Variants in ADGRA3 observed in about 807,000 individuals in gnomAD.
ADGRA3 encodes the protein G-protein coupled receptor 125.
ADGRA3 carries 56 observed loss-of-function variants against 119.8 expected under a neutral mutation model. The ratio of observed to expected loss-of-function variants is 0.47; its 90% confidence interval spans 0.38 to 0.58. The LOEUF (loss-of-function observed/expected upper bound fraction) is 0.58. Ranked by LOEUF, ADGRA3 falls within the 20% of genes least tolerant of loss-of-function variation. ADGRA3 has a pLI of 0.00. For missense variants in ADGRA3, 1,516 were observed against 1,649.0 expected (o/e 0.92, Z 1.40); for synonymous variants, 607 against 623.8 (o/e 0.97, Z 0.40).
chr4:22,461,774 G>T lies in ADGRA3; in HGVS notation c.364C>A (p.Pro122Thr). The T allele has an allele frequency of 6.2e-7, 1 of 1,607,728 alleles. No individual in the cohort carries two copies. The highest frequency in any genetic ancestry group is 8.5e-7 in the Non-Finnish European group (1 of 1,176,084). Residue 122 changes from proline (P) to threonine (T), a missense_variant, in exon 3 of 19, where the codon CCA becomes ACA. By Grantham distance (38) the Pro-to-Thr change is conservative. Coordinates refer to ENST00000334304, the MANE Select transcript of ADGRA3 (RefSeq NM_145290.4). ...GATGACAGTCCCCAGAAGGCACCTG[G>T]ATCTATACTACTAATAAGATTGTTT... ...LRNNLISSIDPGAFWGLSSLK... is the reference protein window; with the variant it reads ...LRNNLISSIDTGAFWGLSSLK...
intron 1 of ADGRA3, among the ~76,000 whole-genome samples, chr4:22,475,813 A>C (rs1051463667): frequency 1.3e-5 from 2 of 152,140 alleles, no homozygotes; most frequent in African/African-American, 4.8e-5. Flanking sequence ...ATAAGACTAC[A>C]CACTGGGTGC....
chr4:22,465,320 T>C (rs1433347481), intron 2 of ADGRA3, among the ~76,000 whole-genome samples: 1 of 152,160 alleles, frequency 6.6e-6, no homozygotes, highest in Non-Finnish European at 1.5e-5. Flanking sequence ...TGACCAACCT[T>C]GTGCAGATTT....
rs772085550 is a variant in ADGRA3, at chr4:22,388,589, T to C, written c.3082A>G (p.Ser1028Gly). ...AAACTTGTGGCTCCAAAAACGAAGC[T>C]AAAAACCAAGTCCAAAGGGTAATAC... is the stretch of plus-strand genomic sequence containing the variant. ...SLYYPLDLVF[S>G]FVFGATSLSF... The change falls in exon 19 of 19, where the codon AGC becomes GGC. Residue 1028 changes from serine (S) to glycine (G), a missense_variant. By Grantham distance (56) the Ser-to-Gly change is moderately conservative (BLOSUM62 0). Transcript: ENST00000334304. 1.1e-5 allele frequency: 18 copies of C among 1,613,890 alleles called. No homozygotes were observed. Among genetic ancestry groups the C allele is most frequent in the Non-Finnish European group, 1.5e-5 (18 of 1,180,008 alleles).
chr4:22,437,529 T>A (rs1447685208), intron 8 of ADGRA3, among the ~76,000 whole-genome samples: 3 of 152,138 alleles, frequency 2.0e-5, no homozygotes, highest in Non-Finnish European at 4.4e-5. Flanking sequence ...ATTTTTTAAA[T>A]CCCTGAACAT....
At chr4:22,511,778 A>C (rs940897248) in intron 1 of ADGRA3, among the ~76,000 whole-genome samples, 1 of 151,970 alleles carries the variant, frequency 6.6e-6, no homozygotes, top group Non-Finnish European at 1.5e-5. Context: ...GCACAGCAGC[A>C]TAACCAGATA....
At chr4:22,515,139 C>T (rs1403549937) in intron 1 of ADGRA3, among the ~76,000 whole-genome samples, 1 of 152,246 alleles carries the variant, frequency 6.6e-6, no homozygotes, top group Non-Finnish European at 1.5e-5. Flanking sequence ...AGCAGAAGGA[C>T]TGGCGCTTGC....
At chr4:22,409,845 A>G (rs1038509487) in intron 14 of ADGRA3, among the ~76,000 whole-genome samples, 1 of 152,228 alleles carries the variant, frequency 6.6e-6, no homozygotes, top group Non-Finnish European at 1.5e-5. Context: ...GGGTCTCCTC[A>G]ACAATACGCG....
intron 1 of ADGRA3, among the ~76,000 whole-genome samples, chr4:22,474,984 A>C (rs1270031285): frequency 6.6e-6 from 1 of 152,226 alleles, no homozygotes. Context: ...TTGTCTAAAA[A>C]CAACTTGGAT....
rs765597816 is a variant in ADGRA3 at position 22,387,687 on chromosome 4, C to T, written c.*18G>A. 3 of 1,574,490 alleles carry T rather than the reference C, an allele frequency of 1.9e-6. No individual in the cohort carries two copies. The South Asian group carries it at 3.5e-5, about 18-fold the overall frequency. Reference sequence around the variant, plus strand: ...TATCACAGTTTATATGAATTTCTGCCTAGGAAGCCCAGCAATGTTACACAG... The same window carrying T: ...TATCACAGTTTATATGAATTTCTGCTTAGGAAGCCCAGCAATGTTACACAG... On this transcript the variant is annotated 3_prime_UTR_variant, in exon 19 of 19. Transcript: ENST00000334304.
intron 1 of ADGRA3, among the ~76,000 whole-genome samples, chr4:22,477,070 T>A (rs898830910): frequency 1.3e-5 from 2 of 152,178 alleles, no homozygotes; most frequent in African/African-American, 4.8e-5. Flanking sequence ...AATATAAGAA[T>A]CTTAATTGCT....
rs1033483322 is a variant in ADGRA3 at position 22,465,022 on chromosome 4, A to C, written c.330-3214T>G. ...ACCCAGGCCAAGCAGAGACCTAAGG[A>C]AACTCTGCCCACTCCATTCTGAGGA... On this transcript the variant is annotated intron_variant, in intron 2 of 18. Transcript: ENST00000334304. Among the ~76,000 whole-genome samples, 3 of 152,354 alleles carry C rather than the reference A, an allele frequency of 2.0e-5. No individual in the cohort carries two copies. In the East Asian group the frequency reaches 5.8e-4, roughly 29 times the overall value.
intron 14 of ADGRA3, among the ~76,000 whole-genome samples, chr4:22,410,187 A>T (rs1408638888): frequency 6.6e-6 from 1 of 152,226 alleles, no homozygotes. Context: ...GAACACAACA[A>T]AAGAGGAATC....
At chr4:22,479,643 T>C (rs1305885753) in intron 1 of ADGRA3, among the ~76,000 whole-genome samples, 1 of 152,122 alleles carries the variant, frequency 6.6e-6, no homozygotes, top group Non-Finnish European at 1.5e-5. Context: ...ATCCCATTAC[T>C]GGGTATATAC....
At position 22,388,557 on chromosome 4, in the gene ADGRA3, G is replaced by A; in HGVS notation, c.3114C>T (p.Phe1038=). 1 of 1,614,074 alleles carries A rather than the reference G, an allele frequency of 6.2e-7. No homozygotes were observed. The highest frequency in any genetic ancestry group is 1.1e-5 in the South Asian group (1 of 91,068). The part of the protein sequence containing the change: ...SFVFGATSLS[F]SAFFVVHHCV... ...AATGGTGGACCACGAAGAACGCACT[G>A]AAGCTTAAACTTGTGGCTCCAAAAA... The change falls in exon 19 of 19, where the codon TTC becomes TTT. Residue 1038 remains phenylalanine, a synonymous_variant. Transcript: ENST00000334304.
rs755306068 is a variant in ADGRA3 at position 22,413,713 on chromosome 4, T to G, written c.1911A>C (p.Gln637His). ...RPTDDSLYKL[Q>H]LIAFRNGKLF... ...GCTTTCCATTGCGGAATGCAATGAG[T>G]TGAAGCTTGTAAAGAGAGTCATCAG... Residue 637 changes from glutamine to histidine, a missense_variant, in exon 13 of 19, where the codon CAA (glutamine) becomes CAC (histidine). Coordinates refer to ENST00000334304, the MANE Select transcript of ADGRA3 (RefSeq NM_145290.4). 1.4e-5 allele frequency: 23 copies of G among 1,613,772 alleles called. No individual in the cohort carries two copies. The East Asian group carries it at 4.7e-4, about 33-fold the overall frequency.
chr4:22,392,501 A>G (rs1560293246), intron 17 of ADGRA3, 44 bp downstream of exon 17: 1 of 1,603,056 alleles, frequency 6.2e-7, no homozygotes, highest in Non-Finnish European at 8.5e-7. Flanking sequence ...TTATGCTTCA[A>G]TGAAAGCAAA....
At chr4:22,454,756 T>TA in intron 4 of ADGRA3, 110 bp downstream of exon 4, 1 of 786,428 alleles carries the variant, frequency 1.3e-6, no homozygotes, top group Non-Finnish European at 2.2e-6. Flanking sequence ...CTATGGCTTC[T>TA]ATAACCCCTA....
At chr4:22,459,706 C>CA (rs1019496823) in intron 3 of ADGRA3, among the ~76,000 whole-genome samples, 1 of 151,906 alleles carries the variant, frequency 6.6e-6, no homozygotes, top group African/African-American at 2.4e-5. Flanking sequence ...ATAAGAACCC[C>CA]AAAAAACAAG....
At position 22,388,273 on chromosome 4, in the gene ADGRA3, T is replaced by C. The variant is rs2108988758; in HGVS notation, c.3398A>G (p.Asn1133Ser). ...AQCHANSLPL[N>S]STPQLDNSLT... ...ACTATTATCAAGCTGAGGGGTGGAG[T>C]TCAAAGGTAAAGAATTGGCATGGCA... Residue 1133 changes from asparagine to serine, a missense_variant, in exon 19 of 19, where the codon AAC becomes AGC. Physicochemically the swap from Asn to Ser is conservative, Grantham distance 46 (BLOSUM62 1). This residue lies in a region of ADGRA3 where 1,088 missense variants were observed against 1,107.1 expected (regional missense o/e 0.98). Transcript: ENST00000334304. 2 of 1,613,444 alleles carry C rather than the reference T, an allele frequency of 1.2e-6. No homozygotes were observed. The highest frequency in any genetic ancestry group is 8.5e-7 in the Non-Finnish European group (1 of 1,179,830).
Sources: gnomAD v4.1 joint callset for allele counts (sites outside exome capture counted in the v4.1 genomes callset) on GRCh38, gnomAD v4.1.1 for gene constraint, gnomAD v4.1.1 regional missense constraint, MANE v1.5 for transcripts, NCBI Gene and HGNC (gene_info 2026-07-23, HGNC 2026-07-21) for gene names.